Variants in PTPN3 observed in about 807,000 individuals in gnomAD.
PTPN3 encodes tyrosine-protein phosphatase non-receptor type 3.
In PTPN3, 96 loss-of-function variants were observed where a neutral mutation model predicts 132.7. The ratio of observed to expected loss-of-function variants is 0.72; its 90% confidence interval spans 0.61 to 0.86. PTPN3 has a LOEUF of 0.86. PTPN3 is among the 40% of genes least tolerant of loss of function. The pLI, the probability that PTPN3 is intolerant of heterozygous loss-of-function variation, is 0.00. For synonymous variants in PTPN3, 398 were observed against 429.0 expected (o/e 0.93, Z 0.89); for missense variants, 1,125 against 1,159.6 (o/e 0.97, Z 0.43).
chr9:109,498,477 G>A (rs755196831), upstream of PTPN3, among the ~76,000 whole-genome samples: 16 of 151,676 alleles, frequency 1.1e-4, no homozygotes, highest in Non-Finnish European at 2.2e-4. The surrounding 1 kb of genome is among the most constrained non-coding windows in gnomAD (Gnocchi z 4.2). Context: ...GCTCTCCGCC[G>A]AGCTCCGGGC....
chr9:109,449,805 T>C (rs1267413432), intron 5 of PTPN3: 2 of 985,318 alleles, frequency 2.0e-6, no homozygotes, highest in Non-Finnish European at 2.4e-6. Flanking sequence ...ATTTTCACAA[T>C]TGAAACAAAT....
Position 109,391,689 on chromosome 9 carries a change from G to T in PTPN3, c.1954-128C>A, listed in dbSNP as rs1840115842. On this transcript the variant is annotated intron_variant, in intron 19 of 25. Coordinates refer to ENST00000374541, the MANE Select transcript of PTPN3 (RefSeq NM_002829.4). ...AGTGATTATGTGTTATATACTAAAA[G>T]AAAATCTTCCCAATAAGAAATTCTA... is the stretch of plus-strand genomic sequence containing the variant. The T allele has an allele frequency of 2.1e-5, 14 of 657,120 alleles. No individual in the cohort carries two copies. The South Asian group carries it at 3.2e-4, about 15-fold the overall frequency. The allele number at this position is 657,120 out of a possible 1,614,324, so 40.7% of individuals were successfully genotyped here. A position where few individuals can be genotyped will look rare whatever the true frequency, so the allele number is the denominator to read the frequency against.
intron 14 of PTPN3, among the ~76,000 whole-genome samples, chr9:109,411,662 CCT>C (rs1441759067): frequency 6.6e-6 from 1 of 152,198 alleles, no homozygotes; most frequent in African/African-American, 2.4e-5. Flanking sequence ...GCTGCTACTG[CCT>C]CTTTCTTGAC....
chr9:109,457,448 G>A, intron 2 of PTPN3, 49 bp from the exon 3 acceptor site: 1 of 1,467,742 alleles, frequency 6.8e-7, no homozygotes, highest in Non-Finnish European at 9.4e-7. Flanking sequence ...ATTAATTGGT[G>A]GTAAAAACAT....
chr9:109,477,296 T>C (rs897654801), intron 1 of PTPN3, among the ~76,000 whole-genome samples: 6 of 152,326 alleles, frequency 3.9e-5, no homozygotes, highest in African/African-American at 1.4e-4. Flanking sequence ...GTTGGTAAAT[T>C]TCCTCTTACA....
rs147247750 is a variant in PTPN3 at position 109,468,932 on chromosome 9, C to T, written c.-17-5481G>A. 6.6e-3 allele frequency among the ~76,000 whole-genome samples: 1,003 copies of T among 152,314 alleles called. 6 individuals carry two copies. Among genetic ancestry groups the T allele is most frequent in the Middle Eastern group, 0.031 (9 of 294 alleles). The stretch of plus-strand genomic sequence containing the variant: ...ACGACTTACAGATATATGAATGTTC[C>T]ATTTCTTAAAGTTTTATGTATCCAC... On this transcript the variant is annotated intron_variant, in intron 1 of 25. Transcript: ENST00000374541.
At chr9:109,476,803 A>G (rs1216689315) in intron 1 of PTPN3, among the ~76,000 whole-genome samples, 1 of 152,260 alleles carries the variant, frequency 6.6e-6, no homozygotes, top group Non-Finnish European at 1.5e-5. Flanking sequence ...GGCCCGCCAC[A>G]GCCACTCAAC....
intron 7 of PTPN3, among the ~76,000 whole-genome samples, chr9:109,442,078 C>G (rs1003303117): frequency 5.9e-5 from 9 of 151,848 alleles, no homozygotes; most frequent in Admixed American, 4.6e-4. Context: ...GACAGAGTCT[C>G]ACTCTGTTGC....
chr9:109,405,248 T>C (rs1841469428), intron 18 of PTPN3, among the ~76,000 whole-genome samples: 1 of 152,060 alleles, frequency 6.6e-6, no homozygotes, highest in Non-Finnish European at 1.5e-5. Flanking sequence ...CTTGCACAGG[T>C]GGGGAACCGG....
Position 109,404,490 on chromosome 9 carries a change from TA to T in PTPN3, c.1910del (p.Leu637GlnfsTer11). On this transcript the variant is annotated frameshift_variant, in exon 19 of 26. Coordinates refer to ENST00000374541, the MANE Select transcript of PTPN3 (RefSeq NM_002829.4). LOFTEE classifies it high-confidence loss of function. ...CCGTCCCGCTTTCGAGGCCCTTCTT[TA>T]GCTGTGCCATGGATCCCTCCAAAGT... is the stretch of plus-strand genomic sequence containing the variant. Reference protein sequence around the residue: ...GDTLEGSMAQLKKGLESGTVL... With the variant: ...GDTLEGSMAQXKKGLESGTVL... 6.5e-7 allele frequency: 1 copy of T among 1,542,036 alleles called. No homozygotes were observed. The highest frequency in any genetic ancestry group is 8.8e-7 in the Non-Finnish European group (1 of 1,132,716).
At chr9:109,526,210 TAAAGA>T in the PTPN3 span, among the ~76,000 whole-genome samples, 70 of 152,218 alleles carry the variant, frequency 4.6e-4, no homozygotes, top group Non-Finnish European at 9.3e-4. Context: ...TGAGAGAAAG[TAAAGA>T]AGACTAAAAT....
At chr9:109,426,688 T>C (rs761027183) in intron 12 of PTPN3, among the ~76,000 whole-genome samples, 47 of 152,286 alleles carry the variant, frequency 3.1e-4, no homozygotes, top group Admixed American at 1.4e-3. Flanking sequence ...TATTATGTCA[T>C]GGTGCAGGGT....
chr9:109,379,899 C>T (rs977649969), intron 25 of PTPN3, among the ~76,000 whole-genome samples: 7 of 152,110 alleles, frequency 4.6e-5, no homozygotes, highest in Admixed American at 2.6e-4. Context: ...AAAGTCCCTG[C>T]GGGACAGCCC....
intron 1 of PTPN3, among the ~76,000 whole-genome samples, chr9:109,473,791 G>A (rs186481561): frequency 2.4e-4 from 37 of 152,240 alleles, no homozygotes; most frequent in Non-Finnish European, 3.1e-4. Flanking sequence ...TGCTCCCCAG[G>A]AGCCCAGCAG....
intron 7 of PTPN3, 116 bp from the exon 8 acceptor site, chr9:109,438,350 T>A: frequency 3.4e-6 from 4 of 1,167,170 alleles, no homozygotes; most frequent in Non-Finnish European, 4.8e-6. Context: ...ACTCTTCTGG[T>A]AAGTTCTACA....
intron 17 of PTPN3, 105 bp downstream of exon 17, chr9:109,408,215 AT>A: frequency 1.1e-6 from 1 of 893,102 alleles, no homozygotes; most frequent in Non-Finnish European, 1.7e-6. Flanking sequence ...ATCTAAGCAC[AT>A]TCTTTGCTCT....
intron 1 of PTPN3, among the ~76,000 whole-genome samples, chr9:109,497,109 C>G (rs1847704118): frequency 1.3e-5 from 2 of 152,114 alleles, no homozygotes; most frequent in African/African-American, 4.8e-5. Flanking sequence ...GATTACAATT[C>G]GGCTAAATTG....
upstream of PTPN3, among the ~76,000 whole-genome samples, chr9:109,499,895 C>T (rs10979893): frequency 6.6e-6 from 1 of 151,880 alleles, no homozygotes; most frequent in African/African-American, 2.4e-5. Context: ...AAACCTGGAG[C>T]CGCGGCGCCC....
chr9:109,433,978 T>C (rs1588419666), intron 9 of PTPN3, among the ~76,000 whole-genome samples: 1 of 150,528 alleles, frequency 6.6e-6, no homozygotes, highest in East Asian at 2.0e-4. Context: ...CCAACATTTA[T>C]GCATGCCTAA....
Sources: allele counts gnomAD v4.1 joint callset (sites outside exome capture counted in the v4.1 genomes callset), GRCh38; gene constraint gnomAD v4.1.1; non-coding constraint Gnocchi (gnomAD v3.1); transcripts MANE v1.5; gene names NCBI Gene and HGNC (gene_info 2026-07-23, HGNC 2026-07-21).